WDR45B: variants seen among roughly 807,000 people sequenced by gnomAD.
WDR45B encodes WD repeat domain phosphoinositide-interacting protein 3.
A neutral mutation model predicts 44.6 loss-of-function variants in WDR45B; 20 were observed. That is an observed-to-expected ratio of 0.45 (90% CI 0.32 to 0.65). WDR45B has a LOEUF of 0.65. Ranked by LOEUF, WDR45B falls within the 30% of genes least tolerant of loss-of-function variation. WDR45B has a pLI of 0.05. For missense variants in WDR45B, 323 were observed against 430.2 expected, an observed-to-expected ratio of 0.75 and a Z score of 2.20; for synonymous variants, 169 against 164.9, an observed-to-expected ratio of 1.02 and a Z score of -0.19.
chr17:82,628,184 G>C (rs937404197), intron 3 of WDR45B, among the ~76,000 whole-genome samples: 8 of 152,064 alleles, frequency 5.3e-5, no homozygotes, highest in African/African-American at 1.9e-4. Context: ...GTAGAGATGG[G>C]GTTTTACCAT....
At chr17:82,635,151 T>TTTTACATAA (rs1393703936) in intron 2 of WDR45B, among the ~76,000 whole-genome samples, 1 of 151,876 alleles carries the variant, frequency 6.6e-6, no homozygotes, top group African/African-American at 2.4e-5. Context: ...GTAAATTTTA[T>TTTTACATAA]TTTACATAAT....
chr17:82,630,869 A>T, intron 3 of WDR45B, 52 bp downstream of exon 3: 1 of 1,538,402 alleles, frequency 6.5e-7, no homozygotes, highest in Non-Finnish European at 9.0e-7. Flanking sequence ...CATTCAAAAA[A>T]AGACTGGGTG....
chr17:82,633,061 T>G, intron 2 of WDR45B, among the ~76,000 whole-genome samples: 1 of 148,828 alleles, frequency 6.7e-6, no homozygotes, highest in South Asian at 2.1e-4. Flanking sequence ...TATATAGGAG[T>G]CTGTGGCAGG....
At position 82,616,621 on chromosome 17, in the gene WDR45B, T is replaced by C; in HGVS notation, c.831A>G (p.Pro277=). The change falls in exon 9 of 10, where the codon CCA becomes CCG. Residue 277 remains proline, a synonymous_variant. Coordinates refer to ENST00000392325, the MANE Select transcript of WDR45B (RefSeq NM_019613.4). ...AACTCCACTTGGAACTGAAGTATTT[T>C]GGAAGGAAACTGGCTGAGGCCAAAC... ...QSSLASASFL[P]KYFSSKWSFS... The C allele has an allele frequency of 6.2e-7, 1 of 1,614,148 alleles. No homozygotes were observed. The highest frequency in any genetic ancestry group is 8.5e-7 in the Non-Finnish European group (1 of 1,180,020).
In WDR45B at chr17:82,615,934, G is replaced by C; in HGVS notation, c.1020C>G (p.Thr340=). 2 of 1,613,412 alleles carry C rather than the reference G, an allele frequency of 1.2e-6. No individual in the cohort carries two copies. The highest frequency in any genetic ancestry group is 2.2e-5 in the South Asian group (2 of 90,996). The change falls in exon 10 of 10, where the codon ACC becomes ACG. Residue 340 remains threonine, a synonymous_variant. Transcript: ENST00000392325. ...RDVYAQFLEM[T]DDKL Reference sequence around the variant, plus strand: ...CCAGCTGGAGTCACAGCTTGTCATCGGTCATCTCTAGAAACTGCGCGTAGA... The same window carrying C: ...CCAGCTGGAGTCACAGCTTGTCATCCGTCATCTCTAGAAACTGCGCGTAGA...
At chr17:82,625,313 G>T in intron 5 of WDR45B, 76 bp downstream of exon 5, 3 of 1,426,542 alleles carry the variant, frequency 2.1e-6, no homozygotes, top group African/African-American at 2.8e-5. Flanking sequence ...AGACCTGCTT[G>T]GAGAAGGGAG....
chr17:82,638,192 G>A lies in WDR45B; in HGVS notation c.142+5757C>T, dbSNP rs1413725416. Among the ~76,000 whole-genome samples, 75 of 95,830 alleles carry A rather than the reference G, an allele frequency of 7.8e-4. 1 individual carries two copies. Among genetic ancestry groups the A allele is most frequent in the African/African-American group, 3.2e-3 (69 of 21,602 alleles). 62.9% of individuals were successfully genotyped at this position (95,830 alleles called of 152,430 possible). A position where few individuals can be genotyped will look rare whatever the true frequency, so the allele number is the denominator to read the frequency against. On this transcript the variant is annotated intron_variant, in intron 2 of 9. Transcript: ENST00000392325. Reference sequence around the variant, plus strand: ...GATTCTGTCAAAGAAGAGGGGAGGCGAGGGAAAGGGAGGGGAGGGAAAGGG... The same window carrying A: ...GATTCTGTCAAAGAAGAGGGGAGGCAAGGGAAAGGGAGGGGAGGGAAAGGG...
At chr17:82,621,824 T>C in intron 5 of WDR45B, 25 bp from the exon 6 acceptor site, 1 of 1,613,042 alleles carries the variant, frequency 6.2e-7, no homozygotes, top group Non-Finnish European at 8.5e-7. Context: ...AGGACACCAA[T>C]CAAGAACTGC....
At chr17:82,616,800 T>C (rs2045542532) in intron 8 of WDR45B, among the ~76,000 whole-genome samples, 155 bp from the exon 9 acceptor site, 2 of 152,146 alleles carry the variant, frequency 1.3e-5, no homozygotes, top group Admixed American at 6.5e-5. Flanking sequence ...CAAAGCCTGT[T>C]GTACAATTTT....
At chr17:82,622,277 A>G (rs1274571423) in intron 5 of WDR45B, among the ~76,000 whole-genome samples, 1 of 152,194 alleles carries the variant, frequency 6.6e-6, no homozygotes, top group African/African-American at 2.4e-5. Flanking sequence ...TCTGAGAGAG[A>G]GCTGGTCTTG....
chr17:82,616,214 T>G (rs4789813), intron 9 of WDR45B, among the ~76,000 whole-genome samples, 189 bp from the exon 10 acceptor site: 131,779 of 151,822 alleles, frequency 0.87, 57,711 homozygotes, highest in East Asian at 1. Flanking sequence ...ACTGTCTTGG[T>G]GTGAGCATCT....
At chr17:82,634,423 G>A (rs1366422363) in intron 2 of WDR45B, among the ~76,000 whole-genome samples, 1 of 151,834 alleles carries the variant, frequency 6.6e-6, no homozygotes, top group Non-Finnish European at 1.5e-5. Flanking sequence ...GGGAGGCGGA[G>A]GCTGCAGTGA....
Position 82,633,903 on chromosome 17 carries a change from A to G in WDR45B, c.143-2881T>C, listed in dbSNP as rs547757985. Reference sequence around the variant, plus strand: ...GGTGGCTCATGCCTGTTATCTCAGCACTTCGGGAGGCAAGGCAGGTGGATC... The same window carrying G: ...GGTGGCTCATGCCTGTTATCTCAGCGCTTCGGGAGGCAAGGCAGGTGGATC... On this transcript the variant is annotated intron_variant, in intron 2 of 9. Transcript: ENST00000392325. Among the ~76,000 whole-genome samples, 34 of 151,434 alleles carry G rather than the reference A, an allele frequency of 2.2e-4. No homozygotes were observed. In the South Asian group the frequency reaches 6.3e-3, roughly 28 times the overall value.
intron 2 of WDR45B, among the ~76,000 whole-genome samples, chr17:82,639,524 C>T (rs966048142): frequency 2.0e-5 from 3 of 151,726 alleles, no homozygotes; most frequent in Admixed American, 6.6e-5. Context: ...TCCTCCCCAC[C>T]CGCAGGAACC....
intron 3 of WDR45B, among the ~76,000 whole-genome samples, chr17:82,628,340 A>G (rs1352405882): frequency 5.3e-5 from 8 of 152,190 alleles, no homozygotes; most frequent in Non-Finnish European, 1.0e-4. Flanking sequence ...TTTGCCTGCT[A>G]ACATTGCAAC....
At chr17:82,632,044 G>A (rs1007712620) in intron 2 of WDR45B, among the ~76,000 whole-genome samples, 1 of 151,938 alleles carries the variant, frequency 6.6e-6, no homozygotes, top group African/African-American at 2.4e-5. Context: ...TCACACCACT[G>A]CACTCCAGCC....
chr17:82,621,986 C>T (rs763894709), intron 5 of WDR45B, among the ~76,000 whole-genome samples, 187 bp from the exon 6 acceptor site: 1 of 152,142 alleles, frequency 6.6e-6, no homozygotes, highest in Non-Finnish European at 1.5e-5. Flanking sequence ...AAAGCTACCT[C>T]GCATGAGACC....
chr17:82,647,003 G>A (rs2045986493), intron 1 of WDR45B, among the ~76,000 whole-genome samples: 1 of 152,066 alleles, frequency 6.6e-6, no homozygotes, highest in Non-Finnish European at 1.5e-5. Context: ...AGGCCGAGGC[G>A]GGTGGATCAC....
At chr17:82,626,627 G>A (rs1055697799) in intron 4 of WDR45B, among the ~76,000 whole-genome samples, 2 of 149,690 alleles carry the variant, frequency 1.3e-5, no homozygotes, top group East Asian at 3.9e-4. Context: ...ACAGCCGACA[G>A]AGATGGAAAT....
Sources: allele counts gnomAD v4.1 joint callset (sites outside exome capture counted in the v4.1 genomes callset), GRCh38; gene constraint gnomAD v4.1.1; transcripts MANE v1.5; gene names NCBI Gene and HGNC (gene_info 2026-07-23, HGNC 2026-07-21).